Variants in UBN1 observed in about 807,000 individuals in gnomAD.
UBN1 encodes the protein ubinuclein 1, also known as ubinuclein-1.
In UBN1, 17 loss-of-function variants were observed where a neutral mutation model predicts 108.5. The ratio of observed to expected loss-of-function variants is 0.16; its 90% CI spans 0.11 to 0.24. UBN1 has a LOEUF of 0.24. Ranked by LOEUF, UBN1 falls within the 10% of genes least tolerant of loss-of-function variation. UBN1 has a pLI of 1.00. For missense variants in UBN1, 1,595 were observed against 1,394.4 expected (o/e 1.14, Z -2.29); for synonymous variants, 726 against 564.2 (o/e 1.29, Z -4.07).
At chr16:4,875,963 T>TTC in intron 15 of UBN1, among the ~76,000 whole-genome samples, 1 of 61,554 alleles carries the variant, frequency 1.6e-5, no homozygotes, top group East Asian at 4.8e-4. Context: ...TCTTTTTTTC[T>TTC]TTTTTTTTTT....
intron 1 of UBN1, among the ~76,000 whole-genome samples, chr16:4,849,972 A>G (rs1364467133): frequency 2.6e-5 from 4 of 151,222 alleles, no homozygotes; most frequent in Non-Finnish European, 4.4e-5. Flanking sequence ...AAAAACCACA[A>G]AAAAAGCTAA....
chr16:4,877,687 G>C lies in UBN1; in HGVS notation c.3355+213G>C. 7.9e-7 allele frequency: 1 copy of C among 1,273,388 alleles called. No individual in the cohort carries two copies. Among genetic ancestry groups the C allele is most frequent in the Non-Finnish European group, 9.9e-7 (1 of 1,010,460 alleles). 78.9% of individuals were successfully genotyped at this position (1,273,388 alleles called of 1,614,324 possible). A position where few individuals can be genotyped will look rare whatever the true frequency, so the allele number is the denominator to read the frequency against. Reference sequence around the variant, plus strand: ...TGGTCCCCACTTGGAGCTGCCGCCAGGTCAGCCTCAGCCTGTGTGATCACA... The same window carrying C: ...TGGTCCCCACTTGGAGCTGCCGCCACGTCAGCCTCAGCCTGTGTGATCACA... On this transcript the variant is annotated intron_variant, in intron 17 of 17. Transcript: ENST00000262376. This position sits in a 1 kb window ranked among gnomAD's most constrained non-coding sequence, Gnocchi z 4.3.
chr16:4,849,596 C>CT (rs372351491), intron 1 of UBN1, among the ~76,000 whole-genome samples: 3 of 150,588 alleles, frequency 2.0e-5, no homozygotes, highest in Admixed American at 6.6e-5. Context: ...TTGTTTTTTT[C>CT]TTTTTTTTGT....
At chr16:4,871,711 C>T (rs1007174348) in intron 12 of UBN1, among the ~76,000 whole-genome samples, 7 of 151,316 alleles carry the variant, frequency 4.6e-5, no homozygotes, top group Non-Finnish European at 8.8e-5. Context: ...CTCAACCTCC[C>T]GAGTAGCTGG....
chr16:4,865,491 G>GAA (rs1195152568), intron 7 of UBN1, among the ~76,000 whole-genome samples: 9 of 152,014 alleles, frequency 5.9e-5, no homozygotes, highest in Non-Finnish European at 1.3e-4. Flanking sequence ...GACCAGCCTG[G>GAA]GTAACAGAGT....
intron 1 of UBN1, among the ~76,000 whole-genome samples, chr16:4,850,586 T>A (rs1294740808): frequency 6.6e-6 from 1 of 152,218 alleles, no homozygotes; most frequent in African/African-American, 2.4e-5. Context: ...TCCTTTAACA[T>A]CTTAGTACGT....
rs912644200 is a variant in UBN1, at chr16:4,872,175, C to T, written c.1707-709C>T. On this transcript the variant is annotated intron_variant, in intron 12 of 17. Transcript: ENST00000262376. Reference sequence around the variant, plus strand: ...ATCTTGGAACCTTTGAAATTGCTGTCCTCTCTACGTAGGCTGGACTCATAC... The same window carrying T: ...ATCTTGGAACCTTTGAAATTGCTGTTCTCTCTACGTAGGCTGGACTCATAC... 25 of 984,930 alleles carry T rather than the reference C, an allele frequency of 2.5e-5. 1 individual carries two copies. In the East Asian group the frequency reaches 6.8e-4, roughly 27 times the overall value. The allele number at this position is 984,930 out of a possible 1,614,324, so 61.0% of individuals were successfully genotyped here.
At position 4,870,171 on chromosome 16, in the gene UBN1, C is replaced by A. The variant is rs752285701; in HGVS notation, c.1182-41C>A. The A allele has an allele frequency of 3.7e-6, 6 of 1,612,466 alleles. No individual in the cohort carries two copies. In the South Asian group the frequency reaches 6.6e-5, roughly 18 times the overall value. On this transcript the variant is annotated intron_variant, in intron 8 of 17. Transcript: ENST00000262376. Reference sequence around the variant, plus strand: ...GGTGAGCTGATGAAGACAGGAGTTGCAGTGAGCTGCAGCCGGTGGTGACTG... The same window carrying A: ...GGTGAGCTGATGAAGACAGGAGTTGAAGTGAGCTGCAGCCGGTGGTGACTG...
At chr16:4,848,292 G>A (rs2086307469) in intron 1 of UBN1, 82 bp downstream of exon 1, 1 of 152,286 alleles carries the variant, frequency 6.6e-6, no homozygotes, top group Non-Finnish European at 1.5e-5. Flanking sequence ...ACAACAGGAA[G>A]ACAGATGCCG....
At chr16:4,859,828 G>T (rs1475204780) in intron 5 of UBN1, 37 bp from the exon 6 acceptor site, 2 of 1,612,510 alleles carry the variant, frequency 1.2e-6, no homozygotes, top group Non-Finnish European at 1.7e-6. Context: ...CCCTGAGTTA[G>T]GGAGCCGTGT....
rs1356684446 is a variant in UBN1, at chr16:4,871,236, C to G, written c.1641C>G (p.Asp547Glu). Residue 547 changes from aspartate to glutamate, a missense_variant, in exon 12 of 18, where the codon GAC becomes GAG. Asp to Glu is a conservative substitution (Grantham distance 45, BLOSUM62 2). Transcript: ENST00000262376. ...ERNNKAQAWE[D>E]CVKGFLDAEV... ...ACAACAAAGCCCAGGCTTGGGAGGA[C>G]TGTGTGAAGGGCTTTCTGGATGCGG... is the stretch of plus-strand genomic sequence containing the variant. The G allele has an allele frequency of 6.2e-7, 1 of 1,614,222 alleles. No individual in the cohort carries two copies. The highest frequency in any genetic ancestry group is 8.5e-7 in the Non-Finnish European group (1 of 1,180,038).
chr16:4,858,448 G>A, intron 3 of UBN1, 120 bp from the exon 4 acceptor site: 1 of 837,110 alleles, frequency 1.2e-6, no homozygotes. Context: ...GTGTATGTGA[G>A]AGAGTGACTG....
intron 3 of UBN1, 40 bp downstream of exon 3, chr16:4,858,116 G>A: frequency 7.3e-7 from 1 of 1,362,104 alleles, no homozygotes; most frequent in Non-Finnish European, 1.0e-6. Context: ...ACCTCATTGG[G>A]TGGGAGACGT....
At chr16:4,857,446 C>G (rs531857673) in intron 2 of UBN1, among the ~76,000 whole-genome samples, 3 of 151,212 alleles carry the variant, frequency 2.0e-5, no homozygotes, top group South Asian at 4.2e-4. Context: ...AAAGAATAAG[C>G]TTATAAAATG....
At chr16:4,855,116 C>G (rs989567711) in intron 2 of UBN1, among the ~76,000 whole-genome samples, 1 of 152,150 alleles carries the variant, frequency 6.6e-6, no homozygotes, top group African/African-American at 2.4e-5. Context: ...GCATTGTGGT[C>G]TCTAGCATGT....
intron 7 of UBN1, among the ~76,000 whole-genome samples, chr16:4,862,327 A>G (rs2087106107): frequency 6.6e-6 from 1 of 152,260 alleles, no homozygotes; most frequent in Non-Finnish European, 1.5e-5. Context: ...CAAATAAAGT[A>G]TCTATTCAAA....
chr16:4,878,055 T>C (rs2087966705), intron 17 of UBN1, among the ~76,000 whole-genome samples: 1 of 152,140 alleles, frequency 6.6e-6, no homozygotes, highest in African/African-American at 2.4e-5. Flanking sequence ...AGCAGGCATG[T>C]GGTCGGTGCT....
At position 4,868,921 on chromosome 16, in the gene UBN1, G is replaced by T. The variant is rs373000515; in HGVS notation, c.1181+18G>T. 1.9e-6 allele frequency: 3 copies of T among 1,612,212 alleles called. No homozygotes were observed. The highest frequency in any genetic ancestry group is 1.3e-5 in the African/African-American group (1 of 74,846). On this transcript the variant is annotated intron_variant, in intron 8 of 17. Transcript: ENST00000262376. ...CTATTAGAGTGAGTATCGTCTGTCT[G>T]TCTGTCTGTCTGTCTGTTTCTGCTA...
chr16:4,855,577 C>T (rs1434712565), intron 2 of UBN1, among the ~76,000 whole-genome samples: 1 of 148,858 alleles, frequency 6.7e-6, no homozygotes, highest in East Asian at 2.0e-4. Flanking sequence ...GATCACACCA[C>T]CGCACTGGGT....
Sources: gnomAD v4.1 joint callset for allele counts (sites outside exome capture counted in the v4.1 genomes callset) on GRCh38, gnomAD v4.1.1 for gene constraint, Gnocchi (gnomAD v3.1) non-coding constraint, MANE v1.5 for transcripts, NCBI Gene and HGNC (gene_info 2026-07-23, HGNC 2026-07-21) for gene names.